FBXW4: variants seen among roughly 807,000 people sequenced by gnomAD.
FBXW4 encodes the protein F-box/WD repeat-containing protein 4.
In FBXW4, 40 loss-of-function variants were observed where a neutral mutation model predicts 61.8. The observed-to-expected ratio is 0.65, with a 90% CI of 0.50 to 0.84. The LOEUF (loss-of-function observed/expected upper bound fraction) is 0.84. Ranked by LOEUF, FBXW4 falls within the 40% of genes least tolerant of loss-of-function variation. The probability of loss-of-function intolerance (pLI) is 0.00; values close to 1 mark genes in which losing one functional copy is unlikely to be tolerated. For synonymous variants in FBXW4, 311 were observed against 313.8 expected, an observed-to-expected ratio of 0.99 and a Z score of 0.10; for missense variants, 672 against 753.8, an observed-to-expected ratio of 0.89 and a Z score of 1.27.
intron 1 of FBXW4, among the ~76,000 whole-genome samples, chr10:101,685,610 A>G (rs1299658018): frequency 6.6e-6 from 1 of 152,238 alleles, no homozygotes; most frequent in Non-Finnish European, 1.5e-5. Flanking sequence ...TGCAAACAAT[A>G]CTGTTCAAAC....
chr10:101,677,879 TA>T (rs547359139), intron 1 of FBXW4, among the ~76,000 whole-genome samples: 161 of 145,852 alleles, frequency 1.1e-3, no homozygotes, highest in South Asian at 8.6e-3. Context: ...ATTTTTTTCT[TA>T]AAAAAAAAAA....
At chr10:101,687,569 C>T (rs940670155) in intron 1 of FBXW4, among the ~76,000 whole-genome samples, 1 of 152,168 alleles carries the variant, frequency 6.6e-6, no homozygotes, top group African/African-American at 2.4e-5. Context: ...TCTACCACCT[C>T]ACAAGACCAG....
At chr10:101,665,127 A>T (rs1005258313) in intron 5 of FBXW4, among the ~76,000 whole-genome samples, 4 of 152,192 alleles carry the variant, frequency 2.6e-5, no homozygotes, top group Admixed American at 2.6e-4. Flanking sequence ...ATTCAAGGTC[A>T]CATTGAGAAG....
chr10:101,680,773 T>A (rs148685697), intron 1 of FBXW4, among the ~76,000 whole-genome samples: 1 of 152,202 alleles, frequency 6.6e-6, no homozygotes, highest in Non-Finnish European at 1.5e-5. Context: ...AAGACAAAAG[T>A]CATTAAATGA....
At chr10:101,678,100 G>A (rs982229300) in intron 1 of FBXW4, among the ~76,000 whole-genome samples, 1 of 152,122 alleles carries the variant, frequency 6.6e-6, no homozygotes, top group Non-Finnish European at 1.5e-5. Context: ...AACATTGGAG[G>A]GCGAGTGTCA....
At chr10:101,674,256 G>A (rs571853446) in intron 2 of FBXW4, among the ~76,000 whole-genome samples, 1 of 151,686 alleles carries the variant, frequency 6.6e-6, no homozygotes, top group African/African-American at 2.4e-5. Context: ...TTGAACCTGG[G>A]AGGCGGAGGT....
At chr10:101,640,484 C>CTTTTTTTTTTTTTTTTTTTTTTTTT (rs386372272) in intron 5 of FBXW4, among the ~76,000 whole-genome samples, 5 of 83,874 alleles carry the variant, frequency 6.0e-5, no homozygotes, top group East Asian at 4.1e-4. Flanking sequence ...CTTTCTTTCT[C>CTTTTTTTTTTTTTTTTTTTTTTTTT]TTTTTTTTTT....
In FBXW4 at chr10:101,694,810, A is replaced by G; in HGVS notation, c.296T>C (p.Val99Ala). Reference sequence around the variant, plus strand: ...CCCTGCGCTCCCCTCGACTCCCTTGACGATGCCTCTCGCCCCTTCCTCCAC... The same window carrying G: ...CCCTGCGCTCCCCTCGACTCCCTTGGCGATGCCTCTCGCCCCTTCCTCCAC... ...RSVEEGARGI[V>A]KGVEGSAGAG... The change falls in exon 1 of 9, where the codon GTC becomes GCC. Residue 99 changes from valine (V) to alanine (A), a missense_variant. This residue lies in a region of FBXW4 where 311 missense variants were observed against 301.1 expected (regional missense o/e 1.03). Coordinates refer to ENST00000331272, the MANE Select transcript of FBXW4 (RefSeq NM_022039.4). The surrounding 1 kb of genome is among the most constrained non-coding windows in gnomAD (Gnocchi z 6.0). 7.5e-7 allele frequency: 1 copy of G among 1,325,944 alleles called. No individual in the cohort carries two copies. Among genetic ancestry groups the G allele is most frequent in the East Asian group, 3.1e-5 (1 of 31,916 alleles). 82.1% of individuals were successfully genotyped at this position (1,325,944 alleles called of 1,614,324 possible). A position where few individuals can be genotyped will look rare whatever the true frequency, so the allele number is the denominator to read the frequency against.
At chr10:101,644,178 C>T (rs373941029) in intron 5 of FBXW4, among the ~76,000 whole-genome samples, 21 of 152,300 alleles carry the variant, frequency 1.4e-4, no homozygotes, top group African/African-American at 5.1e-4. Context: ...TCAGCCTTTC[C>T]AGTGAATGGT....
At chr10:101,679,178 G>A (rs894879884) in intron 1 of FBXW4, among the ~76,000 whole-genome samples, 1 of 152,014 alleles carries the variant, frequency 6.6e-6, no homozygotes, top group Non-Finnish European at 1.5e-5. Flanking sequence ...TCCAACACCT[G>A]GCCTCAAGCA....
intron 5 of FBXW4, chr10:101,659,972 A>G (rs2064226817): frequency 2.1e-6 from 1 of 473,438 alleles, no homozygotes. Flanking sequence ...ATAAGCATGG[A>G]AATCTGTATC....
chr10:101,631,774 C>T (rs2063959757), intron 5 of FBXW4, among the ~76,000 whole-genome samples: 1 of 152,038 alleles, frequency 6.6e-6, no homozygotes, highest in South Asian at 2.1e-4. Flanking sequence ...AATATAGGCG[C>T]ATGCCACCAC....
At chr10:101,653,388 A>C (rs776925362) in intron 5 of FBXW4, among the ~76,000 whole-genome samples, 4 of 152,198 alleles carry the variant, frequency 2.6e-5, no homozygotes, top group Non-Finnish European at 5.9e-5. Context: ...AGTTAAAGTC[A>C]AACTCTGCTC....
intron 5 of FBXW4, among the ~76,000 whole-genome samples, chr10:101,630,948 A>G (rs1006114696): frequency 1.3e-5 from 2 of 152,190 alleles, no homozygotes; most frequent in Non-Finnish European, 2.9e-5. Context: ...TGATGAGTGG[A>G]CAGGGCCATG....
intron 5 of FBXW4, among the ~76,000 whole-genome samples, chr10:101,652,501 A>C (rs879638384): frequency 1.3e-5 from 2 of 152,178 alleles, no homozygotes; most frequent in South Asian, 2.1e-4. Context: ...GAGGGGGGAA[A>C]AATTACCAAG....
intron 4 of FBXW4, among the ~76,000 whole-genome samples, chr10:101,669,567 C>A (rs1564921386): frequency 6.6e-6 from 1 of 152,178 alleles, no homozygotes; most frequent in Non-Finnish European, 1.5e-5. Flanking sequence ...AAGCATGCCA[C>A]CAATTCTGAG....
At chr10:101,621,736 G>T (rs763443631) in intron 6 of FBXW4, among the ~76,000 whole-genome samples, 18 of 152,106 alleles carry the variant, frequency 1.2e-4, no homozygotes, top group Non-Finnish European at 2.4e-4. Context: ...AAGCTCAGAG[G>T]GCCCCAGATC....
intron 5 of FBXW4, among the ~76,000 whole-genome samples, chr10:101,642,646 C>A (rs2064063353): frequency 6.6e-6 from 1 of 152,196 alleles, no homozygotes; most frequent in Non-Finnish European, 1.5e-5. Context: ...CTGTAGGCAC[C>A]AAATTCTACC....
At chr10:101,627,364 T>G (rs2063915773) in intron 5 of FBXW4, among the ~76,000 whole-genome samples, 1 of 152,198 alleles carries the variant, frequency 6.6e-6, no homozygotes, top group East Asian at 1.9e-4. Flanking sequence ...AATTTAACAC[T>G]CAGTAAAAAA....
Sources: gnomAD v4.1 joint callset for allele counts (sites outside exome capture counted in the v4.1 genomes callset) on GRCh38, gnomAD v4.1.1 for gene constraint, gnomAD v4.1.1 regional missense constraint, Gnocchi (gnomAD v3.1) non-coding constraint, MANE v1.5 for transcripts, NCBI Gene and HGNC (gene_info 2026-07-23, HGNC 2026-07-21) for gene names.